RAD51B: variants seen among roughly 807,000 people sequenced by gnomAD.
The protein encoded by RAD51B is RAD51 paralog B, also known as DNA repair protein RAD51 homolog 2.
In RAD51B, 38 loss-of-function variants were observed where a neutral mutation model predicts 42.2. The ratio of observed to expected loss-of-function variants is 0.90; its 90% CI spans 0.70 to 1.18. The LOEUF (loss-of-function observed/expected upper bound fraction) is 1.18. Among genes scored for constraint, RAD51B ranks in the 50% most tolerant of loss-of-function variants. The pLI, the probability that RAD51B is intolerant of heterozygous loss-of-function variation, is 0.00. For synonymous variants in RAD51B, 154 were observed against 145.2 expected, an observed-to-expected ratio of 1.06 and a Z score of -0.43; for missense variants, 373 against 400.7, an observed-to-expected ratio of 0.93 and a Z score of 0.59.
chr14:68,611,395 G>T, exon 11 of RAD51B: 1 of 619,454 alleles, frequency 1.6e-6, no homozygotes, highest in Admixed American at 2.5e-5. Flanking sequence ...CAGTGAAAAA[G>T]TTCTTCTTCT....
At chr14:68,200,180 C>T (rs1288040238) in intron 7 of RAD51B, among the ~76,000 whole-genome samples, 1 of 152,148 alleles carries the variant, frequency 6.6e-6, no homozygotes, top group African/African-American at 2.4e-5. Context: ...TAATCGTCTT[C>T]TAGTTTTTTT....
intron 7 of RAD51B, among the ~76,000 whole-genome samples, chr14:68,242,716 G>A (rs1049115005): frequency 6.6e-6 from 1 of 152,156 alleles, no homozygotes; most frequent in Non-Finnish European, 1.5e-5. Flanking sequence ...TGCTAAATAA[G>A]TACTTTTCAC....
chr14:68,666,432 C>T (rs1893033585), intron 11 of RAD51B, among the ~76,000 whole-genome samples: 1 of 152,174 alleles, frequency 6.6e-6, no homozygotes, highest in Non-Finnish European at 1.5e-5. Context: ...ACAGGGCCAG[C>T]AATAGATCTG....
chr14:68,363,818 A>T (rs753961762), intron 8 of RAD51B, among the ~76,000 whole-genome samples: 28 of 152,080 alleles, frequency 1.8e-4, no homozygotes, highest in Non-Finnish European at 4.0e-4. Context: ...TCTACCCTCA[A>T]CCACTGTGCT....
intron 7 of RAD51B, among the ~76,000 whole-genome samples, chr14:68,125,932 A>C (rs981282005): frequency 2.6e-5 from 4 of 152,190 alleles, no homozygotes; most frequent in Non-Finnish European, 5.9e-5. Context: ...ACATGAAAAC[A>C]GAGTCTAAAG....
At chr14:68,462,275 G>A (rs950916189) in intron 9 of RAD51B, among the ~76,000 whole-genome samples, 4 of 152,192 alleles carry the variant, frequency 2.6e-5, no homozygotes, top group African/African-American at 9.7e-5. Context: ...AGTGGAAAAA[G>A]CCCAAAGGCT....
intron 10 of RAD51B, among the ~76,000 whole-genome samples, chr14:68,473,161 G>A (rs947856165): frequency 3.9e-5 from 6 of 152,162 alleles, no homozygotes; most frequent in African/African-American, 1.4e-4. Context: ...TTCCATCCAG[G>A]TACAGAGGTA....
chr14:67,994,793 G>T (rs550369445), intron 7 of RAD51B, among the ~76,000 whole-genome samples: 1 of 152,260 alleles, frequency 6.6e-6, no homozygotes, highest in Non-Finnish European at 1.5e-5. Flanking sequence ...AGATTGCAGA[G>T]AAATAGAAGA....
intron 8 of RAD51B, among the ~76,000 whole-genome samples, chr14:68,375,621 A>C (rs1177609883): frequency 6.6e-6 from 1 of 152,066 alleles, no homozygotes; most frequent in Non-Finnish European, 1.5e-5. Context: ...TTGCATGTTT[A>C]GGCTGTAAGG....
At chr14:68,226,610 C>T (rs996494531) in intron 7 of RAD51B, among the ~76,000 whole-genome samples, 1 of 152,218 alleles carries the variant, frequency 6.6e-6, no homozygotes, top group Non-Finnish European at 1.5e-5. Context: ...CGTAACTTTG[C>T]TCCTCCTTGC....
intron 10 of RAD51B, among the ~76,000 whole-genome samples, chr14:68,609,008 T>C (rs1891566607): frequency 6.6e-6 from 1 of 152,180 alleles, no homozygotes; most frequent in Admixed American, 6.5e-5. Flanking sequence ...CCATCTACCC[T>C]GAGACCTTGG....
chr14:67,921,618 C>G, intron 7 of RAD51B, among the ~76,000 whole-genome samples: 1 of 138,304 alleles, frequency 7.2e-6, no homozygotes. Flanking sequence ...CACACACACA[C>G]ACACATTTTG....
chr14:68,173,474 G>A (rs2078910923), intron 7 of RAD51B, among the ~76,000 whole-genome samples: 1 of 152,186 alleles, frequency 6.6e-6, no homozygotes, highest in South Asian at 2.1e-4. Context: ...TTGGGCTGTA[G>A]ATTTTGAATG....
intron 11 of RAD51B, among the ~76,000 whole-genome samples, chr14:68,678,239 C>T (rs186035665): frequency 1.4e-3 from 216 of 152,288 alleles, no homozygotes; most frequent in African/African-American, 3.9e-3. Context: ...TCCTCAGAGA[C>T]GCCTGTTTTT....
intron 8 of RAD51B, among the ~76,000 whole-genome samples, chr14:68,383,949 A>G (rs2083536736): frequency 6.6e-6 from 1 of 152,170 alleles, no homozygotes. Context: ...TATTCTAGAG[A>G]GACAGAGTGA....
At chr14:68,213,332 G>T (rs1010513110) in intron 7 of RAD51B, among the ~76,000 whole-genome samples, 1 of 152,142 alleles carries the variant, frequency 6.6e-6, no homozygotes, top group Admixed American at 6.5e-5. Context: ...AGATGTAGAG[G>T]CACAGATATG....
intron 3 of RAD51B, among the ~76,000 whole-genome samples, chr14:67,832,706 A>T (rs960778556): frequency 5.9e-5 from 9 of 152,170 alleles, no homozygotes. Context: ...CCTTTTCCTT[A>T]CTGTTCATGA....
chr14:67,990,969 T>C (rs899003809), intron 7 of RAD51B, among the ~76,000 whole-genome samples: 2 of 152,102 alleles, frequency 1.3e-5, no homozygotes, highest in African/African-American at 4.8e-5. Context: ...CATTTCAGAG[T>C]AGTTAACTCC....
chr14:68,085,881 A>C (rs1344550855), intron 7 of RAD51B, among the ~76,000 whole-genome samples: 1 of 152,194 alleles, frequency 6.6e-6, no homozygotes, highest in Admixed American at 6.5e-5. Context: ...AGGGGAGGCT[A>C]GATGGGCAGG....
Sources: allele counts gnomAD v4.1 joint callset (sites outside exome capture counted in the v4.1 genomes callset), GRCh38; gene constraint gnomAD v4.1.1; transcripts MANE v1.5; gene names NCBI Gene and HGNC (gene_info 2026-07-23, HGNC 2026-07-21).